SFMBT1: variants seen among roughly 807,000 people sequenced by gnomAD.
The protein encoded by SFMBT1 is scm-like with four MBT domains protein 1.
A neutral mutation model predicts 108.7 loss-of-function variants in SFMBT1; 32 were observed. The ratio of observed to expected loss-of-function variants is 0.29; its 90% CI spans 0.22 to 0.40. The LOEUF (loss-of-function observed/expected upper bound fraction) is 0.40. Among genes scored for constraint, SFMBT1 ranks in the 10% least tolerant of loss-of-function variants. The pLI is 1.00. For missense variants in SFMBT1, 816 were observed against 1,059.6 expected, an observed-to-expected ratio of 0.77 and a Z score of 3.19; for synonymous variants, 348 against 369.5, an observed-to-expected ratio of 0.94 and a Z score of 0.67.
chr3:52,923,151 GAC>G (rs1277930182), intron 10 of SFMBT1, among the ~76,000 whole-genome samples: 2 of 152,154 alleles, frequency 1.3e-5, no homozygotes, highest in African/African-American at 4.8e-5. Flanking sequence ...GACCAAAACA[GAC>G]AAGCAACTTG....
chr3:52,979,569 C>T (rs578113159), intron 1 of SFMBT1, among the ~76,000 whole-genome samples: 26 of 152,282 alleles, frequency 1.7e-4, no homozygotes, highest in Admixed American at 7.8e-4. Flanking sequence ...AATTAAAATC[C>T]GGTCACAAGA....
At chr3:52,955,297 C>T (rs1703742576) in intron 2 of SFMBT1, among the ~76,000 whole-genome samples, 1 of 152,004 alleles carries the variant, frequency 6.6e-6, no homozygotes, top group Admixed American at 6.6e-5. Context: ...CCTGTAATCC[C>T]AGCTACTCAG....
intron 4 of SFMBT1, among the ~76,000 whole-genome samples, chr3:52,941,235 T>C (rs1703170200): frequency 6.6e-6 from 1 of 152,096 alleles, no homozygotes; most frequent in African/African-American, 2.4e-5. Flanking sequence ...TGTTCCAGAT[T>C]ATAGGAAACT....
chr3:52,942,338 A>T (rs1703210504), intron 4 of SFMBT1, among the ~76,000 whole-genome samples: 1 of 152,256 alleles, frequency 6.6e-6, no homozygotes, highest in Non-Finnish European at 1.5e-5. Context: ...TCATTAAAAG[A>T]ACATGAGTAA....
intron 13 of SFMBT1, among the ~76,000 whole-genome samples, chr3:52,916,918 T>A (rs1702375677): frequency 6.6e-6 from 1 of 152,144 alleles, no homozygotes; most frequent in African/African-American, 2.4e-5. Context: ...AAACTTTATA[T>A]AGGGTTCGTT....
chr3:52,994,402 T>C (rs1229673849), intron 1 of SFMBT1, among the ~76,000 whole-genome samples: 2 of 150,182 alleles, frequency 1.3e-5, no homozygotes, highest in Non-Finnish European at 3.0e-5. Flanking sequence ...TGCCTCTTAA[T>C]GGAAGAACAC....
chr3:52,905,358 T>A, intron 20 of SFMBT1, 82 bp from the exon 21 acceptor site: 1 of 1,447,404 alleles, frequency 6.9e-7, no homozygotes, highest in South Asian at 1.3e-5. Flanking sequence ...TCACTTTAGC[T>A]CTGTCAAAAC....
chr3:52,983,316 C>G (rs1704785554), intron 1 of SFMBT1, among the ~76,000 whole-genome samples: 1 of 152,138 alleles, frequency 6.6e-6, no homozygotes, highest in South Asian at 2.1e-4. Flanking sequence ...CTCCAGCTTA[C>G]TCTATTGTAA....
chr3:53,005,432 G>A (rs2106919554), intron 1 of SFMBT1, among the ~76,000 whole-genome samples: 1 of 152,202 alleles, frequency 6.6e-6, no homozygotes, highest in African/African-American at 2.4e-5. Flanking sequence ...ACCTTATCCT[G>A]CCATACGGTA....
At chr3:52,945,139 A>AAAAAAAAAAAAAAAAC (rs1282894305) in intron 3 of SFMBT1, among the ~76,000 whole-genome samples, 3 of 146,062 alleles carry the variant, frequency 2.1e-5, no homozygotes, top group Non-Finnish European at 4.5e-5. Flanking sequence ...TTCCAATTAA[A>AAAAAAAAAAAAAAAAC]AAAAAAAAAA....
chr3:52,990,184 C>A (rs1224534455), intron 1 of SFMBT1, among the ~76,000 whole-genome samples: 1 of 152,176 alleles, frequency 6.6e-6, no homozygotes, highest in Admixed American at 6.5e-5. Context: ...GTAAAAATAA[C>A]TCAAAGCATA....
At chr3:53,006,336 C>T (rs1001516884) in intron 1 of SFMBT1, among the ~76,000 whole-genome samples, 3 of 152,048 alleles carry the variant, frequency 2.0e-5, no homozygotes, top group Non-Finnish European at 4.4e-5. Context: ...CTTTAGCAAT[C>T]ATAAAGAGTC....
At chr3:52,914,293 C>A (rs181090012) in intron 14 of SFMBT1, among the ~76,000 whole-genome samples, 50 of 152,278 alleles carry the variant, frequency 3.3e-4, no homozygotes, top group African/African-American at 1.2e-3. Context: ...GTAAAAAATT[C>A]AAAGACACTA....
At chr3:52,912,483 T>C (rs1196921255) in intron 16 of SFMBT1, 55 bp downstream of exon 16, 5 of 1,494,770 alleles carry the variant, frequency 3.3e-6, no homozygotes, top group Non-Finnish European at 4.7e-6. Flanking sequence ...ACGCCGATTC[T>C]GTGACTTTTT....
intron 1 of SFMBT1, among the ~76,000 whole-genome samples, chr3:52,971,036 G>A (rs1223511343): frequency 6.6e-6 from 1 of 152,082 alleles, no homozygotes; most frequent in Non-Finnish European, 1.5e-5. Context: ...TTGGGTGGCT[G>A]AGGCAGGAGA....
At chr3:52,932,027 A>T (rs1378530917) in intron 6 of SFMBT1, 35 bp downstream of exon 6, 1 of 1,597,976 alleles carries the variant, frequency 6.3e-7, no homozygotes, top group African/African-American at 1.3e-5. Flanking sequence ...TAGCATGTTA[A>T]TGTCACAGAA....
intron 2 of SFMBT1, among the ~76,000 whole-genome samples, chr3:52,967,679 C>T (rs1423759708): frequency 6.6e-6 from 1 of 152,158 alleles, no homozygotes; most frequent in African/African-American, 2.4e-5. Context: ...AGACATTTCA[C>T]TGACGAGGAT....
At chr3:52,917,660 G>A (rs535209775) in intron 13 of SFMBT1, among the ~76,000 whole-genome samples, 1 of 152,128 alleles carries the variant, frequency 6.6e-6, no homozygotes, top group Non-Finnish European at 1.5e-5. Flanking sequence ...GCCTGAGCTC[G>A]GCCTCCTGTC....
chr3:52,976,853 C>G (rs991697332), intron 1 of SFMBT1, among the ~76,000 whole-genome samples: 3 of 152,054 alleles, frequency 2.0e-5, no homozygotes, highest in African/African-American at 7.3e-5. Context: ...CATATTCAAC[C>G]TCAACAGCTA....
Sources: gnomAD v4.1 joint callset for allele counts (sites outside exome capture counted in the v4.1 genomes callset) on GRCh38, gnomAD v4.1.1 for gene constraint, MANE v1.5 for transcripts, NCBI Gene and HGNC (gene_info 2026-07-23, HGNC 2026-07-21) for gene names.